CELF2: variants seen among roughly 807,000 people sequenced by gnomAD.
CELF2 encodes the protein CUGBP Elav-like family member 2.
Under a neutral mutation model 62.6 loss-of-function variants are expected in CELF2, and 8 were observed. The observed-to-expected ratio is 0.13, with a 90% CI of 0.07 to 0.23. The LOEUF (loss-of-function observed/expected upper bound fraction) is 0.23, where lower values mean the gene tolerates loss of function less well. CELF2 is among the 10% of genes least tolerant of loss of function. CELF2 has a pLI of 1.00. For synonymous variants in CELF2, 258 were observed against 250.0 expected, an observed-to-expected ratio of 1.03 and a Z score of -0.30; for missense variants, 333 against 671.0, an observed-to-expected ratio of 0.50 and a Z score of 5.56.
the CELF2 span, among the ~76,000 whole-genome samples, chr10:10,778,840 C>A: frequency 6.6e-6 from 1 of 152,060 alleles, no homozygotes; most frequent in African/African-American, 2.4e-5. Context: ...AATGGGATTG[C>A]AGGAAGAAAC....
intron 2 of CELF2, chr10:10,944,064 G>A (rs1307351765): frequency 6.6e-6 from 1 of 152,390 alleles, no homozygotes; most frequent in East Asian, 1.9e-4. Context: ...CTAGTATTGG[G>A]TCTATCTAGG....
intron 2 of CELF2, among the ~76,000 whole-genome samples, chr10:11,196,771 C>T (rs1478800807): frequency 6.6e-6 from 1 of 151,912 alleles, no homozygotes; most frequent in African/African-American, 2.4e-5. Flanking sequence ...GCCAGACCAA[C>T]ATGGTGAAAC....
In CELF2 at chr10:11,333,951, A is replaced by G. The variant is rs2132997274; in HGVS notation, c.*4898A>G. ...TGGGCCCCTGACAATGACTGATTTC[A>G]AGTTTGATTTCGGGTTGATTGATTG... is the stretch of plus-strand genomic sequence containing the variant. On this transcript the variant is annotated 3_prime_UTR_variant, in exon 13 of 13. Coordinates refer to ENST00000633077, the MANE Select transcript of CELF2 (RefSeq NM_001326342.2). 6.7e-6 allele frequency: 1 copy of G among 149,570 alleles called. No individual in the cohort carries two copies. The highest frequency in any genetic ancestry group is 1.5e-5 in the Non-Finnish European group (1 of 67,580). 9.3% of individuals were successfully genotyped at this position (149,570 alleles called of 1,614,324 possible).
chr10:10,816,183 C>T (rs2056449373), intron 1 of CELF2, among the ~76,000 whole-genome samples: 1 of 152,132 alleles, frequency 6.6e-6, no homozygotes. Context: ...TTAGTAAAGA[C>T]AGTTCAGACA....
At chr10:10,921,647 G>A (rs1216254467) in intron 2 of CELF2, among the ~76,000 whole-genome samples, 5 of 152,074 alleles carry the variant, frequency 3.3e-5, no homozygotes, top group African/African-American at 4.8e-5. Context: ...GGAAGAGGAC[G>A]GAGTCCCTGA....
At chr10:10,784,724 G>A in the CELF2 span, 1 of 152,174 alleles carries the variant, frequency 6.6e-6, no homozygotes, top group Non-Finnish European at 1.5e-5. Flanking sequence ...AGGTGTGATG[G>A]GGCAAAAGGC....
chr10:11,155,680 A>G (rs909048751), intron 1 of CELF2, among the ~76,000 whole-genome samples: 1 of 152,224 alleles, frequency 6.6e-6, no homozygotes, highest in Non-Finnish European at 1.5e-5. Context: ...CCTCTTCACA[A>G]GTGGATTCTG....
intron 1 of CELF2, among the ~76,000 whole-genome samples, chr10:11,087,965 T>C (rs561559807): frequency 1.3e-5 from 2 of 152,396 alleles, no homozygotes; most frequent in African/African-American, 2.4e-5. Flanking sequence ...CAATGAAGTC[T>C]GTTCTTCTGA....
At chr10:10,500,090 G>A in the CELF2 span, among the ~76,000 whole-genome samples, 3 of 152,008 alleles carry the variant, frequency 2.0e-5, no homozygotes, top group Non-Finnish European at 4.4e-5. Flanking sequence ...CCTGTATATC[G>A]AAGCTTCTAA....
the CELF2 span, among the ~76,000 whole-genome samples, chr10:10,578,094 A>G: frequency 1.3e-5 from 2 of 151,950 alleles, no homozygotes; most frequent in Non-Finnish European, 2.9e-5. Flanking sequence ...TTTGATTTGC[A>G]TTTCTCTGAT....
At chr10:10,890,298 A>T (rs1325220843) in intron 1 of CELF2, among the ~76,000 whole-genome samples, 1 of 152,208 alleles carries the variant, frequency 6.6e-6, no homozygotes, top group African/African-American at 2.4e-5. Context: ...AATTGTCTAC[A>T]TCATGGACAG....
intron 1 of CELF2, among the ~76,000 whole-genome samples, chr10:11,077,195 G>A (rs918141491): frequency 6.6e-6 from 1 of 152,210 alleles, no homozygotes; most frequent in African/African-American, 2.4e-5. Flanking sequence ...CAGATTTTCA[G>A]TGTACAGAGG....
intron 9 of CELF2, among the ~76,000 whole-genome samples, chr10:11,298,303 G>A (rs930176467): frequency 2.0e-5 from 3 of 152,200 alleles, no homozygotes; most frequent in African/African-American, 4.8e-5. Context: ...GTGCCATCTC[G>A]ACCTGGTACT....
intron 2 of CELF2, among the ~76,000 whole-genome samples, chr10:10,927,863 C>G (rs1165367798): frequency 4.6e-5 from 7 of 152,104 alleles, no homozygotes; most frequent in Non-Finnish European, 5.9e-5. Flanking sequence ...AGGTAGAAGT[C>G]CAAATGATCT....
intron 2 of CELF2, chr10:10,924,167 A>T (rs1369808300): frequency 6.6e-6 from 1 of 151,106 alleles, no homozygotes; most frequent in Non-Finnish European, 1.5e-5. Context: ...CTGTAGTCCC[A>T]GCTACTCGGG....
Position 10,983,963 on chromosome 10 carries a change from A to G in CELF2, c.89+63964A>G, listed in dbSNP as rs565313212. On this transcript the variant is annotated intron_variant, in intron 2 of 13. Coordinates refer to the CELF2 transcript ENST00000636488. This position sits in a 1 kb window ranked among gnomAD's most constrained non-coding sequence, Gnocchi z 5.2. ...TAACCTCTGAGTCAACTACTGAACT[A>G]TTAAGTTGCGAATGGAAGACTTATA... Among the ~76,000 whole-genome samples, 69 of 152,354 alleles carry G rather than the reference A, an allele frequency of 4.5e-4. 1 individual carries two copies. The highest frequency in any genetic ancestry group is 1.6e-3 in the African/African-American group (65 of 41,590).
chr10:10,494,372 A>G, the CELF2 span, among the ~76,000 whole-genome samples: 1 of 152,224 alleles, frequency 6.6e-6, no homozygotes, highest in Non-Finnish European at 1.5e-5. Context: ...ATGGTAGAAT[A>G]TGAAGGGTAA....
At chr10:10,724,023 A>G in the CELF2 span, among the ~76,000 whole-genome samples, 1 of 152,234 alleles carries the variant, frequency 6.6e-6, no homozygotes, top group African/African-American at 2.4e-5. Context: ...AATAATGAAA[A>G]GTTGAATTCT....
the CELF2 span, among the ~76,000 whole-genome samples, chr10:10,733,316 T>C: frequency 6.6e-6 from 1 of 152,144 alleles, no homozygotes; most frequent in African/African-American, 2.4e-5. Flanking sequence ...GAAAATTACA[T>C]TTTTTTCTTC....
Sources: gnomAD v4.1 joint callset for allele counts (sites outside exome capture counted in the v4.1 genomes callset) on GRCh38, gnomAD v4.1.1 for gene constraint, Gnocchi (gnomAD v3.1) non-coding constraint, MANE v1.5 for transcripts, NCBI Gene and HGNC (gene_info 2026-07-23, HGNC 2026-07-21) for gene names.